Variants in MAF observed in about 807,000 individuals in gnomAD.
MAF encodes MAF bZIP transcription factor.
A neutral mutation model predicts 22.0 loss-of-function variants in MAF; 10 were observed. That is an observed-to-expected ratio of 0.45 (90% confidence interval 0.28 to 0.77). The LOEUF (loss-of-function observed/expected upper bound fraction) is 0.77. Ranked by LOEUF, MAF falls within the 30% of genes least tolerant of loss-of-function variation. MAF has a pLI of 0.12. For synonymous variants in MAF, 337 were observed against 255.8 expected, an observed-to-expected ratio of 1.32 and a Z score of -3.03; for missense variants, 544 against 548.4, an observed-to-expected ratio of 0.99 and a Z score of 0.08.
the MAF span, among the ~76,000 whole-genome samples, chr16:79,465,833 G>A: frequency 1.3e-5 from 2 of 152,116 alleles, no homozygotes; most frequent in African/African-American, 4.8e-5. Flanking sequence ...GGTGGTACAG[G>A]AAAAGAGCTT....
the MAF span, among the ~76,000 whole-genome samples, chr16:79,221,656 C>G: frequency 3.3e-5 from 5 of 152,042 alleles, no homozygotes; most frequent in South Asian, 2.1e-4. Context: ...ATCTGGACAG[C>G]TGATAAGAGT....
chr16:79,389,759 G>A, the MAF span, among the ~76,000 whole-genome samples: 2 of 151,682 alleles, frequency 1.3e-5, no homozygotes, highest in Non-Finnish European at 2.9e-5. Flanking sequence ...GGCGGATCAC[G>A]AGGTCAAGAA....
chr16:79,475,783 C>T, the MAF span, among the ~76,000 whole-genome samples: 2 of 152,000 alleles, frequency 1.3e-5, no homozygotes, highest in African/African-American at 4.8e-5. Flanking sequence ...GAATGACAAC[C>T]ATTCTTAAAG....
At chr16:79,335,192 A>AG in the MAF span, among the ~76,000 whole-genome samples, 1 of 151,788 alleles carries the variant, frequency 6.6e-6, no homozygotes, top group Non-Finnish European at 1.5e-5. Flanking sequence ...TCAAAAAAAA[A>AG]AAAAAAAGAA....
the MAF span, among the ~76,000 whole-genome samples, chr16:79,425,787 T>C: frequency 6.6e-6 from 1 of 152,172 alleles, no homozygotes; most frequent in Non-Finnish European, 1.5e-5. Context: ...AGGTATTACT[T>C]TTCCAGTTTT....
chr16:79,494,291 C>G, the MAF span, among the ~76,000 whole-genome samples: 114,302 of 152,038 alleles, frequency 0.75, 43,532 homozygotes, highest in East Asian at 0.92. Flanking sequence ...TGGGTTTGCC[C>G]ATTCACAGGG....
the MAF span, among the ~76,000 whole-genome samples, chr16:79,254,750 G>GC: frequency 6.6e-6 from 1 of 152,086 alleles, no homozygotes; most frequent in Admixed American, 6.5e-5. Flanking sequence ...ACCAAACCAT[G>GC]CCCTTCCCTT....
At chr16:79,351,177 C>T in the MAF span, among the ~76,000 whole-genome samples, 1 of 152,104 alleles carries the variant, frequency 6.6e-6, no homozygotes, top group Non-Finnish European at 1.5e-5. Context: ...TCTCTTTTTG[C>T]ATTTGGAAAA....
At chr16:79,448,342 A>G in the MAF span, among the ~76,000 whole-genome samples, 1 of 151,584 alleles carries the variant, frequency 6.6e-6, no homozygotes, top group African/African-American at 2.4e-5. Flanking sequence ...CCCAAAAAAG[A>G]TTGTGACTTT....
chr16:79,599,203 C>G lies in MAF; in HGVS notation c.700G>C (p.Gly234Arg). Residue 234 changes from glycine to arginine, a missense_variant, in exon 1 of 2, where the codon GGA becomes CGA. By Grantham distance (125) the Gly-to-Arg change is moderately radical. This residue lies in a region of MAF where 342 missense variants were observed against 315.5 expected (regional missense o/e 1.08). Coordinates refer to ENST00000326043, the MANE Select transcript of MAF (RefSeq NM_005360.5). Reference protein sequence around the residue: ...AGGGGGGGGGGGGGGAAGAGG... With the variant: ...AGGGGGGGGGRGGGGAAGAGG... Reference sequence around the variant, plus strand: ...GCCCCCGCCGCGCCCCCGCCGCCTCCGCCGCCGCCGCCGCCGCCGCCGCCC... The same window carrying G: ...GCCCCCGCCGCGCCCCCGCCGCCTCGGCCGCCGCCGCCGCCGCCGCCGCCC... 14 of 919,822 alleles carry G rather than the reference C, an allele frequency of 1.5e-5. No individual in the cohort carries two copies. Among genetic ancestry groups the G allele is most frequent in the Non-Finnish European group, 1.4e-5 (11 of 774,924 alleles). 57.0% of individuals were successfully genotyped at this position (919,822 alleles called of 1,614,324 possible). A position where few individuals can be genotyped will look rare whatever the true frequency, so the allele number is the denominator to read the frequency against.
At chr16:79,212,382 C>T in the MAF span, 8 of 491,002 alleles carry the variant, frequency 1.6e-5, no homozygotes, top group South Asian at 3.1e-4. Context: ...CGCAGAACTA[C>T]CAGGTGGCAA....
the MAF span, among the ~76,000 whole-genome samples, chr16:79,242,415 A>T: frequency 6.6e-6 from 1 of 151,858 alleles, no homozygotes; most frequent in Non-Finnish European, 1.5e-5. Flanking sequence ...AGTCTCTGAT[A>T]AAAAAAGACT....
At chr16:79,568,630 G>C in the MAF span, among the ~76,000 whole-genome samples, 4 of 152,136 alleles carry the variant, frequency 2.6e-5, no homozygotes, top group African/African-American at 9.7e-5. Flanking sequence ...CTGAGTCTTG[G>C]ATCTGGCCTG....
At chr16:79,372,466 A>G in the MAF span, among the ~76,000 whole-genome samples, 1 of 152,232 alleles carries the variant, frequency 6.6e-6, no homozygotes, top group African/African-American at 2.4e-5. Flanking sequence ...TCTTAAAAGC[A>G]TGTTAAAATA....
the MAF span, among the ~76,000 whole-genome samples, chr16:79,298,694 G>C: frequency 2.3e-4 from 35 of 152,224 alleles, no homozygotes; most frequent in South Asian, 1.4e-3. Context: ...AGGTGGCATG[G>C]AGCTGGGCGT....
At chr16:79,209,182 A>T in the MAF span, among the ~76,000 whole-genome samples, 2 of 152,218 alleles carry the variant, frequency 1.3e-5, no homozygotes, top group Non-Finnish European at 2.9e-5. Flanking sequence ...CATTGTAGCC[A>T]AATGTAGGTT....
chr16:79,331,026 C>G, the MAF span, among the ~76,000 whole-genome samples: 1 of 152,190 alleles, frequency 6.6e-6, no homozygotes, highest in Non-Finnish European at 1.5e-5. Context: ...GAAAAATGAA[C>G]CTCTGGGCTC....
the MAF span, among the ~76,000 whole-genome samples, chr16:79,529,947 G>C: frequency 7.1e-6 from 1 of 140,466 alleles, no homozygotes; most frequent in Non-Finnish European, 1.5e-5. Flanking sequence ...GGCAACAAGA[G>C]TGAAACTCCA....
At chr16:79,345,382 G>T in the MAF span, among the ~76,000 whole-genome samples, 1 of 152,022 alleles carries the variant, frequency 6.6e-6, no homozygotes, top group African/African-American at 2.4e-5. Context: ...ATAATAACAT[G>T]CTAACAATAA....
Sources: allele counts gnomAD v4.1 joint callset (sites outside exome capture counted in the v4.1 genomes callset), GRCh38; gene constraint gnomAD v4.1.1; regional missense constraint gnomAD v4.1.1; transcripts MANE v1.5; gene names NCBI Gene and HGNC (gene_info 2026-07-23, HGNC 2026-07-21).